EYA2: variants seen among roughly 807,000 people sequenced by gnomAD.
The protein encoded by EYA2 is EYA transcriptional coactivator and phosphatase 2, also known as protein phosphatase EYA2.
A neutral mutation model predicts 69.2 loss-of-function variants in EYA2; 31 were observed. The ratio of observed to expected loss-of-function variants is 0.45; its 90% CI spans 0.34 to 0.60. The LOEUF (loss-of-function observed/expected upper bound fraction) is 0.60, where lower values mean the gene tolerates loss of function less well. Among genes scored for constraint, EYA2 ranks in the 20% least tolerant of loss-of-function variants. The pLI, the probability that EYA2 is intolerant of heterozygous loss-of-function variation, is 0.02. For synonymous variants in EYA2, 257 were observed against 279.4 expected (o/e 0.92, Z 0.80); for missense variants, 622 against 701.2 (o/e 0.89, Z 1.28).
chr20:46,897,603 A>T (rs1600523201), intron 1 of EYA2, among the ~76,000 whole-genome samples: 3 of 152,336 alleles, frequency 2.0e-5, no homozygotes, highest in Admixed American at 2.0e-4. Flanking sequence ...TTTGAAACTA[A>T]TTAGGCCAGC....
In EYA2 at chr20:47,143,971, G is replaced by A. The variant is rs146239206; in HGVS notation, c.978+823G>A. ...GAAAGAGCAAGCAACTTTCTCCAACGTGAAGAAGGGGTTTTGGCTGATAAA... is the reference window on the plus strand; with the variant it reads ...GAAAGAGCAAGCAACTTTCTCCAACATGAAGAAGGGGTTTTGGCTGATAAA... On this transcript the variant is annotated intron_variant, in intron 10 of 15. Transcript: ENST00000327619. 4.1e-3 allele frequency among the ~76,000 whole-genome samples: 621 copies of A among 152,308 alleles called. 21 individuals are homozygous for A. In the East Asian group the frequency reaches 0.074, roughly 18 times the overall value.
intron 9 of EYA2, among the ~76,000 whole-genome samples, chr20:47,118,506 T>TGA (rs907395537): frequency 1.9e-3 from 1 of 530 alleles, no homozygotes; most frequent in African/African-American, 6.1e-3. Flanking sequence ...TGACATTGTT[T>TGA]GAGGTGTTGG....
At chr20:47,057,510 A>ACGCC (rs1344107214) in intron 5 of EYA2, among the ~76,000 whole-genome samples, 3 of 94,768 alleles carry the variant, frequency 3.2e-5, no homozygotes, top group Admixed American at 1.1e-4. Flanking sequence ...TTTTTATATC[A>ACGCC]CCCCCCCCCC....
intron 9 of EYA2, among the ~76,000 whole-genome samples, chr20:47,133,742 C>T (rs1230990867): frequency 1.3e-5 from 2 of 152,206 alleles, no homozygotes; most frequent in Non-Finnish European, 2.9e-5. Context: ...GGACACTCCA[C>T]CTAATTCTCC....
chr20:46,965,130 C>T (rs944130327), intron 1 of EYA2, among the ~76,000 whole-genome samples: 1 of 152,154 alleles, frequency 6.6e-6, no homozygotes, highest in African/African-American at 2.4e-5. Flanking sequence ...CCAGCGCTGG[C>T]TCTTGTAATT....
chr20:47,154,578 G>A (rs1299865979), intron 10 of EYA2, among the ~76,000 whole-genome samples: 2 of 151,936 alleles, frequency 1.3e-5, no homozygotes, highest in East Asian at 4.0e-4. Context: ...CAGGGACAGT[G>A]ATGTCCGTCT....
intron 10 of EYA2, among the ~76,000 whole-genome samples, chr20:47,149,688 CAAAAAAAAAAA>C (rs59780173): frequency 1.6e-4 from 16 of 102,708 alleles, no homozygotes; most frequent in African/African-American, 4.8e-4. Context: ...ACTAAAAATA[CAAAAAAAAAAA>C]AAAAAAAAAA....
chr20:47,127,960 G>A (rs1373942953), intron 9 of EYA2, among the ~76,000 whole-genome samples: 1 of 152,166 alleles, frequency 6.6e-6, no homozygotes, highest in African/African-American at 2.4e-5. Flanking sequence ...ATTATCTTTG[G>A]ATATGTTGCA....
chr20:46,968,458 C>A (rs369157926), intron 1 of EYA2, among the ~76,000 whole-genome samples: 1 of 152,202 alleles, frequency 6.6e-6, no homozygotes, highest in African/African-American at 2.4e-5. Context: ...AGCAGGGACT[C>A]ACGCCCAAGG....
intron 5 of EYA2, among the ~76,000 whole-genome samples, chr20:47,056,842 C>T (rs573528161): frequency 6.6e-6 from 1 of 152,078 alleles, no homozygotes; most frequent in South Asian, 2.1e-4. Context: ...CCCAGAAGTT[C>T]GAGACCAGCC....
intron 1 of EYA2, among the ~76,000 whole-genome samples, chr20:46,918,340 ACT>A (rs1002831685): frequency 2.0e-5 from 3 of 148,216 alleles, no homozygotes; most frequent in Non-Finnish European, 4.5e-5. Context: ...AACAAATCTC[ACT>A]CTGTAGCCCA....
At chr20:47,111,241 C>T (rs1215195907) in intron 9 of EYA2, among the ~76,000 whole-genome samples, 2 of 152,208 alleles carry the variant, frequency 1.3e-5, no homozygotes, top group Non-Finnish European at 2.9e-5. Flanking sequence ...TCATTATTTA[C>T]TCCAACGGAA....
chr20:47,068,923 G>A (rs1176078853), intron 5 of EYA2, among the ~76,000 whole-genome samples: 1 of 152,216 alleles, frequency 6.6e-6, no homozygotes, highest in African/African-American at 2.4e-5. Context: ...AATGTTTAGA[G>A]ATGTGCCTGC....
chr20:47,142,385 G>T (rs1338617341), intron 9 of EYA2, among the ~76,000 whole-genome samples: 1 of 152,212 alleles, frequency 6.6e-6, no homozygotes, highest in African/African-American at 2.4e-5. Flanking sequence ...CATACGTTAT[G>T]CTGTGTTGCA....
At chr20:47,175,397 C>T (rs191917623) in intron 12 of EYA2, among the ~76,000 whole-genome samples, 159 of 152,304 alleles carry the variant, frequency 1.0e-3, no homozygotes, top group African/African-American at 3.7e-3. Flanking sequence ...TACCACTTCC[C>T]ATGTAGCTCT....
intron 9 of EYA2, among the ~76,000 whole-genome samples, chr20:47,136,741 C>CA (rs11482117): frequency 0.38 from 41,530 of 107,904 alleles, 6,835 homozygotes; most frequent in Non-Finnish European, 0.45. Context: ...GACCCTGTCT[C>CA]AAAAAAAAAA....
rs149486372 is a variant in EYA2, at chr20:46,948,356, C to T, written c.-10-41645C>T. Among the ~76,000 whole-genome samples, 10 of 152,202 alleles carry T rather than the reference C, an allele frequency of 6.6e-5. No individual in the cohort carries two copies. The East Asian group carries it at 1.4e-3, about 21-fold the overall frequency. ...GTAAAACATTATTTATAAAAGCAGG[C>T]GGTGGGCTGGGTTTGGCTCATAGGC... On this transcript the variant is annotated intron_variant, in intron 1 of 15. Coordinates refer to ENST00000327619, the MANE Select transcript of EYA2 (RefSeq NM_005244.5).
chr20:47,062,421 C>T (rs1274155314), intron 5 of EYA2, among the ~76,000 whole-genome samples: 1 of 152,158 alleles, frequency 6.6e-6, no homozygotes, highest in Non-Finnish European at 1.5e-5. Flanking sequence ...ACCCCGGTAT[C>T]GCAGGCAGGC....
At chr20:47,099,445 C>T (rs995879585) in intron 9 of EYA2, among the ~76,000 whole-genome samples, 1 of 152,196 alleles carries the variant, frequency 6.6e-6, no homozygotes, top group Non-Finnish European at 1.5e-5. Flanking sequence ...AAGGGAGGAT[C>T]GCTTGAGCCT....
Sources: allele counts gnomAD v4.1 joint callset (sites outside exome capture counted in the v4.1 genomes callset), GRCh38; gene constraint gnomAD v4.1.1; transcripts MANE v1.5; gene names NCBI Gene and HGNC (gene_info 2026-07-23, HGNC 2026-07-21).